ASH1L: variants seen among roughly 807,000 people sequenced by gnomAD.
ASH1L encodes histone-lysine N-methyltransferase ASH1L.
Under a neutral mutation model 269.0 loss-of-function variants are expected in ASH1L, and 23 were observed. The observed-to-expected ratio is 0.09, with a 90% CI of 0.06 to 0.12. The LOEUF (loss-of-function observed/expected upper bound fraction) is 0.12. Ranked by LOEUF, ASH1L falls within the 10% of genes least tolerant of loss-of-function variation. ASH1L has a pLI of 1.00. For missense variants in ASH1L, 2,912 were observed against 3,567.8 expected, an observed-to-expected ratio of 0.82 and a Z score of 4.68; for synonymous variants, 1,187 against 1,253.5, an observed-to-expected ratio of 0.95 and a Z score of 1.12.
chr1:155,439,961 T>C (rs931796372), intron 4 of ASH1L, among the ~76,000 whole-genome samples: 4 of 151,996 alleles, frequency 2.6e-5, no homozygotes, highest in Non-Finnish European at 5.9e-5. Flanking sequence ...TTAAGACTTT[T>C]TTTTTTATTT....
At chr1:155,408,232 G>A (rs1310118249) in intron 6 of ASH1L, among the ~76,000 whole-genome samples, 2 of 152,168 alleles carry the variant, frequency 1.3e-5, no homozygotes, top group African/African-American at 4.8e-5. Context: ...ACTAAGCCAA[G>A]ACTAAACTGG....
chr1:155,482,953 A>G (rs1206938000), intron 2 of ASH1L, among the ~76,000 whole-genome samples: 2 of 152,206 alleles, frequency 1.3e-5, no homozygotes, highest in Non-Finnish European at 2.9e-5. Context: ...CTCATTCTCA[A>G]TTATGGTCTT....
chr1:155,426,942 C>T (rs765180100), intron 5 of ASH1L, among the ~76,000 whole-genome samples: 3 of 152,108 alleles, frequency 2.0e-5, no homozygotes, highest in African/African-American at 2.4e-5. Flanking sequence ...TTTCAACTTA[C>T]TGGGCACAAT....
rs372773151 is a variant in ASH1L at position 155,538,640 on chromosome 1, C to G, written c.-99-17022G>C. ...TACAGGTGTGAACCACTGTACCCAG[C>G]CTTTTTTTTTTTTTTTTTTTTTTAA... On this transcript the variant is annotated intron_variant, in intron 1 of 27. Transcript: ENST00000392403. 9.8e-3 allele frequency among the ~76,000 whole-genome samples: 1,016 copies of G among 103,570 alleles called. 17 individuals are homozygous for G. Among genetic ancestry groups the G allele is most frequent in the African/African-American group, 0.03 (978 of 33,030 alleles). The allele number at this position is 103,570 out of a possible 152,430, so 67.9% of individuals were successfully genotyped here. A position where few individuals can be genotyped will look rare whatever the true frequency, so the allele number is the denominator to read the frequency against.
intron 1 of ASH1L, among the ~76,000 whole-genome samples, chr1:155,539,829 G>A (rs936955408): frequency 4.6e-5 from 7 of 151,768 alleles, no homozygotes; most frequent in Non-Finnish European, 7.4e-5. Flanking sequence ...GCCAAGGCAG[G>A]ACGATCGCTT....
intron 6 of ASH1L, among the ~76,000 whole-genome samples, chr1:155,399,989 T>C (rs1658694528): frequency 6.6e-6 from 1 of 152,128 alleles, no homozygotes; most frequent in African/African-American, 2.4e-5. Flanking sequence ...GACTTAAATA[T>C]TATGCAACAG....
At chr1:155,546,904 T>C (rs1255574886) in intron 1 of ASH1L, among the ~76,000 whole-genome samples, 1 of 151,318 alleles carries the variant, frequency 6.6e-6, no homozygotes, top group Non-Finnish European at 1.5e-5. Flanking sequence ...TATGTGCATA[T>C]ATACACTTTC....
intron 21 of ASH1L, 91 bp downstream of exon 21, chr1:155,346,292 G>T: frequency 6.4e-7 from 1 of 1,556,790 alleles, no homozygotes; most frequent in South Asian, 1.1e-5. Flanking sequence ...CCTATTAAAG[G>T]AAATTCTGCA....
At chr1:155,404,860 T>A (rs923310729) in intron 6 of ASH1L, among the ~76,000 whole-genome samples, 2 of 151,494 alleles carry the variant, frequency 1.3e-5, no homozygotes, top group African/African-American at 2.4e-5. Flanking sequence ...AAACTCTTTC[T>A]CTACTAAAAA....
Position 155,562,355 on chromosome 1 carries a change from G to A in ASH1L, c.-302C>T, listed in dbSNP as rs778322378. Reference sequence around the variant, plus strand: ...GGAAGGCTAAAGGGGGCAAACTGAGGGGAGGCGGGTCCCGCAACCGAGACT... The same window carrying A: ...GGAAGGCTAAAGGGGGCAAACTGAGAGGAGGCGGGTCCCGCAACCGAGACT... On this transcript the variant is annotated 5_prime_UTR_variant, in exon 1 of 28. Transcript: ENST00000392403. The A allele has an allele frequency of 2.0e-5, 30 of 1,533,576 alleles. No homozygotes were observed. The highest frequency in any genetic ancestry group is 2.2e-5 in the Non-Finnish European group (25 of 1,123,896). The allele number at this position is 1,533,576 out of a possible 1,614,324, so 95.0% of individuals were successfully genotyped here. A position where few individuals can be genotyped will look rare whatever the true frequency, so the allele number is the denominator to read the frequency against.
chr1:155,395,153 C>A (rs1381090963), intron 7 of ASH1L, among the ~76,000 whole-genome samples: 1 of 152,008 alleles, frequency 6.6e-6, no homozygotes, highest in Non-Finnish European at 1.5e-5. Context: ...CCCAGGCCAT[C>A]AACTCCTGGG....
intron 5 of ASH1L, among the ~76,000 whole-genome samples, chr1:155,421,317 G>GT (rs11442413): frequency 0.52 from 44,326 of 85,890 alleles, 13,825 homozygotes; most frequent in Non-Finnish European, 0.68. Context: ...AGTACCAACA[G>GT]TTTTTTTTTT....
chr1:155,546,686 G>C (rs1255738614), intron 1 of ASH1L, among the ~76,000 whole-genome samples: 1 of 151,406 alleles, frequency 6.6e-6, no homozygotes, highest in East Asian at 2.0e-4. Context: ...TGAACTCGGG[G>C]GGCAGAGGTT....
At chr1:155,358,671 G>A (rs1477481244) in intron 13 of ASH1L, 1 of 149,748 alleles carries the variant, frequency 6.7e-6, no homozygotes, top group African/African-American at 2.5e-5. Flanking sequence ...CTGGGAGACA[G>A]AGTGAGACTC....
chr1:155,446,270 GTAT>G (rs927418524), intron 4 of ASH1L, among the ~76,000 whole-genome samples: 5 of 148,408 alleles, frequency 3.4e-5, no homozygotes, highest in Non-Finnish European at 7.5e-5. Flanking sequence ...ACTGTAAATA[GTAT>G]TATTTATATT....
intron 1 of ASH1L, among the ~76,000 whole-genome samples, chr1:155,547,187 G>A (rs571320248): frequency 6.6e-6 from 1 of 150,740 alleles, no homozygotes; most frequent in East Asian, 2.0e-4. Context: ...TCTTGACCTC[G>A]TGATCTGCCC....
At chr1:155,471,100 T>C (rs1031600379) in intron 3 of ASH1L, among the ~76,000 whole-genome samples, 7 of 152,220 alleles carry the variant, frequency 4.6e-5, no homozygotes, top group Admixed American at 4.6e-4. Context: ...AAAAAGTATA[T>C]TAAGTTTCTA....
At chr1:155,393,428 A>G (rs1658106953) in intron 7 of ASH1L, among the ~76,000 whole-genome samples, 1 of 152,230 alleles carries the variant, frequency 6.6e-6, no homozygotes. Flanking sequence ...AACATCAAGT[A>G]TACAATTAAG....
At chr1:155,530,922 C>G (rs1446217399) in intron 1 of ASH1L, among the ~76,000 whole-genome samples, 1 of 151,798 alleles carries the variant, frequency 6.6e-6, no homozygotes, top group Non-Finnish European at 1.5e-5. Context: ...TGGTGGGACA[C>G]ACTTGTAGTC....
Sources: allele counts gnomAD v4.1 joint callset (sites outside exome capture counted in the v4.1 genomes callset), GRCh38; gene constraint gnomAD v4.1.1; transcripts MANE v1.5; gene names NCBI Gene and HGNC (gene_info 2026-07-23, HGNC 2026-07-21).